Variants in TRABD2A observed in about 807,000 individuals in gnomAD.
TRABD2A encodes the protein metalloprotease TIKI1.
TRABD2A carries 43 observed loss-of-function variants against 45.6 expected under a neutral mutation model. That is an observed-to-expected ratio of 0.94 (90% CI 0.74 to 1.22). TRABD2A has a LOEUF of 1.22. Among genes scored for constraint, TRABD2A ranks in the 50% most tolerant of loss-of-function variants. The pLI is 0.00. For synonymous variants in TRABD2A, 269 were observed against 265.0 expected (o/e 1.02, Z -0.15); for missense variants, 642 against 652.4 (o/e 0.98, Z 0.17).
intron 2 of TRABD2A, among the ~76,000 whole-genome samples, chr2:84,866,113 C>A (rs1372525759): frequency 6.6e-6 from 1 of 152,222 alleles, no homozygotes; most frequent in Non-Finnish European, 1.5e-5. Context: ...ACCCCACAAA[C>A]CAAGAGCCAC....
At chr2:84,838,295 C>T in intron 4 of TRABD2A, 1 of 714,468 alleles carries the variant, frequency 1.4e-6, no homozygotes, top group South Asian at 1.5e-5. Flanking sequence ...AAGCCCACTG[C>T]TTCTATCAAA....
chr2:84,838,981 C>CA, intron 4 of TRABD2A, 168 bp downstream of exon 4: 1 of 690,972 alleles, frequency 1.4e-6, no homozygotes, highest in South Asian at 2.2e-5. Flanking sequence ...CTGGATGCTC[C>CA]ATCCCCAGCT....
At chr2:84,863,985 A>G (rs1384772450) in intron 2 of TRABD2A, among the ~76,000 whole-genome samples, 4 of 152,010 alleles carry the variant, frequency 2.6e-5, no homozygotes, top group Admixed American at 6.6e-5. Flanking sequence ...AATGTGGAAA[A>G]GTCATCTATG....
chr2:84,842,357 C>T (rs1681740293), intron 2 of TRABD2A, among the ~76,000 whole-genome samples: 1 of 152,170 alleles, frequency 6.6e-6, no homozygotes, highest in Non-Finnish European at 1.5e-5. Context: ...GACTCACAGA[C>T]ACACCTACCA....
chr2:84,842,082 T>C (rs1681730386), intron 2 of TRABD2A, 75 bp from the exon 3 acceptor site: 1 of 1,390,178 alleles, frequency 7.2e-7, no homozygotes, highest in Non-Finnish European at 9.4e-7. Flanking sequence ...TGTCCATGGC[T>C]GGAAATACCT....
intron 4 of TRABD2A, chr2:84,834,604 T>A (rs1409268787): frequency 6.6e-6 from 1 of 152,400 alleles, no homozygotes; most frequent in Non-Finnish European, 1.5e-5. Context: ...TCTGTCTCTA[T>A]AGATTTGCCT....
chr2:84,856,877 A>T (rs750259861), intron 2 of TRABD2A, among the ~76,000 whole-genome samples: 2 of 152,174 alleles, frequency 1.3e-5, no homozygotes, highest in African/African-American at 4.8e-5. Context: ...CTAACCTCCC[A>T]TGTCACCATA....
At chr2:84,873,599 C>T (rs975117190) in intron 1 of TRABD2A, among the ~76,000 whole-genome samples, 4 of 152,074 alleles carry the variant, frequency 2.6e-5, no homozygotes, top group East Asian at 1.9e-4. Flanking sequence ...CCTGCTAAGG[C>T]GAATTAAGCA....
intron 2 of TRABD2A, among the ~76,000 whole-genome samples, chr2:84,856,558 T>C (rs974873478): frequency 1.3e-4 from 20 of 152,120 alleles, no homozygotes; most frequent in Admixed American, 1.3e-3. Flanking sequence ...AAGGACGAGA[T>C]AAACTGATCT....
rs1681306352 is a variant in TRABD2A at position 84,830,816 on chromosome 2, G to A, written c.1082+1239C>T. Among the ~76,000 whole-genome samples, 1 of 152,188 alleles carries A rather than the reference G, an allele frequency of 6.6e-6. No homozygotes were observed. ...GGGGTGAGGGGGAACAGGGAGACAA[G>A]GTGCAGTGAAGGGGGGCCTTCTGAG... On this transcript the variant is annotated intron_variant, in intron 5 of 6. Coordinates refer to ENST00000409520, the MANE Select transcript of TRABD2A (RefSeq NM_001277053.2). The surrounding 1 kb of genome is among the most constrained non-coding windows in gnomAD (Gnocchi z 4.9).
chr2:84,871,139 A>T (rs1203742075), intron 1 of TRABD2A, among the ~76,000 whole-genome samples: 2 of 152,146 alleles, frequency 1.3e-5, no homozygotes, highest in African/African-American at 2.4e-5. Context: ...CCCCTTTTCA[A>T]TCAAAATGTT....
intron 4 of TRABD2A, chr2:84,836,744 CTCTT>C (rs1341363394): frequency 2.6e-5 from 4 of 151,998 alleles, no homozygotes; most frequent in Non-Finnish European, 5.9e-5. Context: ...CTTTTCCTTT[CTCTT>C]TCTCATACTG....
At chr2:84,880,054 C>T (rs1178483422) in intron 1 of TRABD2A, among the ~76,000 whole-genome samples, 1 of 151,728 alleles carries the variant, frequency 6.6e-6, no homozygotes, top group African/African-American at 2.4e-5. Context: ...TGGCCCTCTC[C>T]AGAGCCAGGG....
At chr2:84,845,998 A>G (rs1393736588) in intron 2 of TRABD2A, among the ~76,000 whole-genome samples, 2 of 152,192 alleles carry the variant, frequency 1.3e-5, no homozygotes, top group East Asian at 1.9e-4. Context: ...GCAGAGGCCC[A>G]AAGTTAAACT....
chr2:84,873,589 C>T (rs963734925), intron 1 of TRABD2A, among the ~76,000 whole-genome samples: 3 of 152,174 alleles, frequency 2.0e-5, no homozygotes, highest in African/African-American at 7.2e-5. Context: ...ACCAAGAACG[C>T]CTGCTAAGGC....
Position 84,823,981 on chromosome 2 carries a change from TG to T in TRABD2A, c.1305del (p.Phe435LeufsTer13). On this transcript the variant is annotated frameshift_variant, in exon 6 of 7. Coordinates refer to ENST00000409520, the MANE Select transcript of TRABD2A (RefSeq NM_001277053.2). LOFTEE classifies it low-confidence loss of function (END_TRUNC). ...RSQRRPRLRQFSDLWVRLEES... is the reference protein window; with the variant it reads ...RSQRRPRLRQXSDLWVRLEES... ...TCCTCCAGGCGGACCCACAGATCGC[TG>T]AATTGCCGGAGTCGCGGCCTCCGCT... 1.9e-6 allele frequency: 3 copies of T among 1,613,922 alleles called. No individual in the cohort carries two copies. In the South Asian group the frequency reaches 3.3e-5, roughly 18 times the overall value.
rs371517683 is a variant in TRABD2A at position 84,866,727 on chromosome 2, T to C, written c.669+3498A>G. 4.0e-5 allele frequency among the ~76,000 whole-genome samples: 6 copies of C among 150,910 alleles called. No individual in the cohort carries two copies. In the East Asian group the frequency reaches 1.2e-3, roughly 29 times the overall value. On this transcript the variant is annotated intron_variant, in intron 2 of 6. Transcript: ENST00000409520. ...TCTGACAACAGGATGGTAGGGCAAG[T>C]ATTATTATCCCCATTGGAAAGATGA...
At chr2:84,844,230 T>C (rs1465168128) in intron 2 of TRABD2A, among the ~76,000 whole-genome samples, 1 of 152,148 alleles carries the variant, frequency 6.6e-6, no homozygotes, top group African/African-American at 2.4e-5. Context: ...AATTCCCACG[T>C]GTTGTGAGAG....
chr2:84,874,447 A>G (rs1460933359), intron 1 of TRABD2A, among the ~76,000 whole-genome samples: 1 of 152,230 alleles, frequency 6.6e-6, no homozygotes, highest in East Asian at 1.9e-4. Context: ...TGTTCTAGGC[A>G]CAGAGAATAC....
Sources: allele counts gnomAD v4.1 joint callset (sites outside exome capture counted in the v4.1 genomes callset), GRCh38; gene constraint gnomAD v4.1.1; non-coding constraint Gnocchi (gnomAD v3.1); transcripts MANE v1.5; gene names NCBI Gene and HGNC (gene_info 2026-07-23, HGNC 2026-07-21).